Variants in PDGFC observed in about 807,000 individuals in gnomAD.
PDGFC encodes platelet-derived growth factor C.
Under a neutral mutation model 35.5 loss-of-function variants are expected in PDGFC, and 12 were observed. That is an observed-to-expected ratio of 0.34 (90% CI 0.22 to 0.55). The LOEUF (loss-of-function observed/expected upper bound fraction) is 0.55, where lower values mean the gene tolerates loss of function less well. Ranked by LOEUF, PDGFC falls within the 20% of genes least tolerant of loss-of-function variation. The pLI, the probability that PDGFC is intolerant of heterozygous loss-of-function variation, is 0.91. For synonymous variants in PDGFC, 159 were observed against 148.8 expected, an observed-to-expected ratio of 1.07 and a Z score of -0.50; for missense variants, 322 against 412.4, an observed-to-expected ratio of 0.78 and a Z score of 1.90.
At chr4:156,832,253 C>CTTTTTTT (rs542396769) in intron 2 of PDGFC, among the ~76,000 whole-genome samples, 25 of 121,118 alleles carry the variant, frequency 2.1e-4, no homozygotes, top group Non-Finnish European at 2.7e-4. Flanking sequence ...TTCTTTCTTT[C>CTTTTTTT]TTTTTTTTTT....
intron 1 of PDGFC, among the ~76,000 whole-genome samples, chr4:156,896,505 C>T (rs1015906641): frequency 2.1e-4 from 32 of 152,240 alleles, no homozygotes; most frequent in Middle Eastern, 3.4e-3. Flanking sequence ...ATTCCTCCAG[C>T]CCTGTATCAT....
At chr4:156,788,687 T>C (rs956897925) in intron 3 of PDGFC, among the ~76,000 whole-genome samples, 2 of 152,132 alleles carry the variant, frequency 1.3e-5, no homozygotes, top group Admixed American at 6.5e-5. Flanking sequence ...GAGAAATCAG[T>C]TTTAAAGAGG....
At chr4:156,811,041 G>A in intron 2 of PDGFC, 24 bp from the exon 3 acceptor site, 1 of 1,477,460 alleles carries the variant, frequency 6.8e-7, no homozygotes, top group African/African-American at 1.4e-5. Flanking sequence ...AAGGGAAAGA[G>A]ACATCATTTC....
chr4:156,799,028 C>T (rs1731525540), intron 3 of PDGFC, among the ~76,000 whole-genome samples: 1 of 152,206 alleles, frequency 6.6e-6, no homozygotes, highest in Non-Finnish European at 1.5e-5. Context: ...TAGATAATTG[C>T]TACCTCAATG....
intron 1 of PDGFC, among the ~76,000 whole-genome samples, chr4:156,925,265 G>T (rs1731380216): frequency 6.6e-6 from 1 of 152,156 alleles, no homozygotes; most frequent in South Asian, 2.1e-4. Flanking sequence ...GGTAAGAAAG[G>T]CTGGACAGGC....
At chr4:156,912,691 T>TC (rs999429421) in intron 1 of PDGFC, among the ~76,000 whole-genome samples, 1 of 152,142 alleles carries the variant, frequency 6.6e-6, no homozygotes, top group Non-Finnish European at 1.5e-5. Context: ...AAATGAATCA[T>TC]CATAATCTTA....
intron 4 of PDGFC, among the ~76,000 whole-genome samples, chr4:156,769,670 CCTT>C (rs1431280836): frequency 6.6e-6 from 1 of 151,952 alleles, no homozygotes; most frequent in Non-Finnish European, 1.5e-5. Flanking sequence ...TAAAGCAAAT[CCTT>C]CTTTCAAATG....
chr4:156,840,843 A>G (rs2111053877), intron 2 of PDGFC, among the ~76,000 whole-genome samples: 1 of 152,300 alleles, frequency 6.6e-6, no homozygotes, highest in South Asian at 2.1e-4. Context: ...TTACGATTTG[A>G]CTGCCCCACG....
chr4:156,897,045 C>T (rs975527527), intron 1 of PDGFC, among the ~76,000 whole-genome samples: 3 of 151,968 alleles, frequency 2.0e-5, no homozygotes, highest in Non-Finnish European at 2.9e-5. Context: ...GGAGCCCAGT[C>T]GATACCTCTT....
intron 1 of PDGFC, among the ~76,000 whole-genome samples, chr4:156,855,100 T>C (rs376198521): frequency 1.3e-5 from 2 of 152,116 alleles, no homozygotes; most frequent in East Asian, 3.8e-4. Context: ...TGTGTATATA[T>C]ACAATTCAGT....
chr4:156,897,989 G>A (rs571326067), intron 1 of PDGFC, among the ~76,000 whole-genome samples: 13 of 152,278 alleles, frequency 8.5e-5, no homozygotes, highest in African/African-American at 2.4e-4. Flanking sequence ...AGATGAACTG[G>A]AGTAGTAGAG....
intron 1 of PDGFC, among the ~76,000 whole-genome samples, chr4:156,919,707 T>A (rs896322588): frequency 6.6e-6 from 1 of 152,180 alleles, no homozygotes; most frequent in Non-Finnish European, 1.5e-5. Flanking sequence ...TGACTTCCTG[T>A]AGTCATTTGG....
chr4:156,800,631 C>G (rs1731577295), intron 3 of PDGFC, among the ~76,000 whole-genome samples: 2 of 152,074 alleles, frequency 1.3e-5, no homozygotes, highest in Admixed American at 6.6e-5. Context: ...TTTGGTGACA[C>G]TTGCCACGTT....
At chr4:156,840,904 G>A (rs1729187036) in intron 2 of PDGFC, among the ~76,000 whole-genome samples, 1 of 152,100 alleles carries the variant, frequency 6.6e-6, no homozygotes, top group South Asian at 2.1e-4. Context: ...TAGCCCCTAT[G>A]TTTAAGCCAA....
chr4:156,804,520 C>A (rs953741386), intron 3 of PDGFC, among the ~76,000 whole-genome samples: 1 of 151,844 alleles, frequency 6.6e-6, no homozygotes, highest in African/African-American at 2.4e-5. Context: ...CATCCCTCTG[C>A]TCTCCACATT....
chr4:156,934,121 TAAC>T (rs901781161), intron 1 of PDGFC, among the ~76,000 whole-genome samples: 2 of 152,230 alleles, frequency 1.3e-5, no homozygotes, highest in Non-Finnish European at 2.9e-5. Context: ...ATGAGTCACT[TAAC>T]AACTGGGATA....
At chr4:156,881,844 A>T (rs989658288) in intron 1 of PDGFC, among the ~76,000 whole-genome samples, 11 of 150,500 alleles carry the variant, frequency 7.3e-5, no homozygotes, top group Admixed American at 6.0e-4. Flanking sequence ...AAAAAAAAAA[A>T]AGCAAGAGTT....
At chr4:156,959,608 T>A (rs2110966206) in intron 1 of PDGFC, among the ~76,000 whole-genome samples, 1 of 152,132 alleles carries the variant, frequency 6.6e-6, no homozygotes, top group Admixed American at 6.6e-5. Context: ...CATTCCTACA[T>A]ACCAAAAGTA....
chr4:156,898,052 C>T (rs1366209003), intron 1 of PDGFC, among the ~76,000 whole-genome samples: 15 of 152,092 alleles, frequency 9.9e-5, no homozygotes, highest in Non-Finnish European at 8.8e-5. Flanking sequence ...TATCTTGAGA[C>T]CTAATCCCCA....
Sources: allele counts gnomAD v4.1 joint callset (sites outside exome capture counted in the v4.1 genomes callset), GRCh38; gene constraint gnomAD v4.1.1; transcripts MANE v1.5; gene names NCBI Gene and HGNC (gene_info 2026-07-23, HGNC 2026-07-21).